Variants in STARD8 observed in about 807,000 individuals in gnomAD.
STARD8 encodes stAR-related lipid transfer protein 8.
A neutral mutation model predicts 69.4 loss-of-function variants in STARD8; 25 were observed. The ratio of observed to expected loss-of-function variants is 0.36; its 90% confidence interval spans 0.26 to 0.50. STARD8 has a LOEUF of 0.50. STARD8 is among the 20% of genes least tolerant of loss of function. The pLI is 0.96. For missense variants in STARD8, 921 were observed against 932.5 expected (o/e 0.99, Z 0.16); for synonymous variants, 389 against 374.6 (o/e 1.04, Z -0.45).
chrX:68,723,094 G>T (rs1391483488), intron 12 of STARD8, among the ~76,000 whole-genome samples: 1 of 112,538 alleles, frequency 8.9e-6, no homozygotes, highest in Non-Finnish European at 1.9e-5. Flanking sequence ...GGATGGAGGG[G>T]ATTTCTCTCT....
chrX:68,649,993 G>A (rs1313812556), intron 1 of STARD8, among the ~76,000 whole-genome samples: 1 of 111,022 alleles, frequency 9.0e-6, no homozygotes, highest in African/African-American at 3.3e-5. Flanking sequence ...GAGGTTTGAC[G>A]CCCGAGAGGC....
chrX:68,723,496 G>C, intron 12 of STARD8, 130 bp from the exon 13 acceptor site: 4 of 556,761 alleles, frequency 7.2e-6, no homozygotes, highest in Non-Finnish European at 1.1e-5. Flanking sequence ...TCTGGCCAGC[G>C]CTAGCAGAGG....
At chrX:68,669,291 T>C (rs2079713511) in intron 2 of STARD8, among the ~76,000 whole-genome samples, 1 of 112,246 alleles carries the variant, frequency 8.9e-6, no homozygotes, top group African/African-American at 3.2e-5. Context: ...CAGTTTTGGC[T>C]GTGACCTTTG....
intron 1 of STARD8, among the ~76,000 whole-genome samples, chrX:68,655,183 T>G (rs1341064570): frequency 1.8e-5 from 2 of 112,041 alleles, no homozygotes. Flanking sequence ...GCTCACCGCT[T>G]CCTCAGGACA....
chrX:68,654,127 C>T (rs1044273762), intron 1 of STARD8, among the ~76,000 whole-genome samples: 1 of 111,566 alleles, frequency 9.0e-6, no homozygotes, highest in Non-Finnish European at 1.9e-5. Context: ...ATTCCTCTTT[C>T]TCTGTTCCTC....
chrX:68,704,123 C>T (rs1006769100), intron 2 of STARD8, among the ~76,000 whole-genome samples: 1 of 111,471 alleles, frequency 9.0e-6, no homozygotes, highest in African/African-American at 3.3e-5. Context: ...ACCAAAAGTA[C>T]CCAGTGCAGA....
At chrX:68,687,488 A>G (rs2079841723) in intron 2 of STARD8, among the ~76,000 whole-genome samples, 1 of 111,704 alleles carries the variant, frequency 9.0e-6, no homozygotes, top group African/African-American at 3.3e-5. Context: ...ACCCAGCTCT[A>G]ATTCGCTCTT....
intron 1 of STARD8, among the ~76,000 whole-genome samples, chrX:68,652,923 CAT>C (rs1569350827): frequency 2.3e-4 from 12 of 51,368 alleles, no homozygotes; most frequent in African/African-American, 7.8e-4. Flanking sequence ...CACACACACA[CAT>C]CACACACACC....
At position 68,721,126 on chromosome X, in the gene STARD8, A is replaced by G. The variant is rs754962727; in HGVS notation, c.2248+4A>G. 1.2e-5 allele frequency: 14 copies of G among 1,208,852 alleles called. No homozygotes were observed. Among genetic ancestry groups the G allele is most frequent in the Admixed American group, 6.6e-5 (3 of 45,727 alleles). On this transcript the variant is annotated splice_donor_region_variant and intron_variant, in intron 9 of 14. Coordinates refer to ENST00000374599, the MANE Select transcript of STARD8 (RefSeq NM_001142503.3). ...ACTTTCCTCCAGATCTACCAGCGTG[A>G]GTCGCCCACTCCTATCCCCAACAAC...
intron 2 of STARD8, among the ~76,000 whole-genome samples, chrX:68,691,552 C>T: frequency 8.9e-6 from 1 of 112,250 alleles, no homozygotes. Context: ...CCTGATATCG[C>T]TTGGGCCATT....
At chrX:68,689,984 C>T (rs1279015816) in intron 2 of STARD8, among the ~76,000 whole-genome samples, 1 of 107,325 alleles carries the variant, frequency 9.3e-6, no homozygotes, top group Non-Finnish European at 1.9e-5. Context: ...GCCATGGCTC[C>T]TCAGGAAGTT....
rs188220520 is a variant in STARD8, at chrX:68,713,270, T to C, written c.151+285T>C. Among the ~76,000 whole-genome samples the C allele has an allele frequency of 4.9e-3, 554 of 112,719 alleles. 6 individuals carry two copies. The highest frequency in any genetic ancestry group is 0.017 in the African/African-American group (531 of 31,024). On this transcript the variant is annotated intron_variant, in intron 3 of 14. Transcript: ENST00000374599. ...CGTGGTACCAATCCTGAGGATGCCA[T>C]GTAGGTACACACGGTGTGAAGAATG...
intron 2 of STARD8, among the ~76,000 whole-genome samples, chrX:68,690,435 G>T (rs867562319): frequency 2.3e-4 from 25 of 107,005 alleles, no homozygotes; most frequent in South Asian, 1.6e-3. Flanking sequence ...GGCAGGCAGG[G>T]CGGGGGGACT....
intron 2 of STARD8, among the ~76,000 whole-genome samples, chrX:68,701,446 C>T (rs1231379431): frequency 8.9e-6 from 1 of 112,669 alleles, no homozygotes; most frequent in Non-Finnish European, 1.9e-5. Flanking sequence ...AGCTGAGGTT[C>T]GGGTCTCCTT....
intron 1 of STARD8, among the ~76,000 whole-genome samples, chrX:68,662,454 A>C (rs1012055450): frequency 5.4e-5 from 6 of 111,460 alleles, no homozygotes; most frequent in Admixed American, 2.9e-4. Context: ...ATAAAGTCTC[A>C]AGTTCTTAAG....
At chrX:68,711,382 A>C (rs779371421) in intron 2 of STARD8, among the ~76,000 whole-genome samples, 4 of 111,712 alleles carry the variant, frequency 3.6e-5, no homozygotes, top group African/African-American at 1.3e-4. Context: ...TGAGTCATGG[A>C]CATGAGCAGA....
intron 2 of STARD8, among the ~76,000 whole-genome samples, chrX:68,675,929 G>A (rs758378787): frequency 4.5e-5 from 5 of 112,006 alleles, no homozygotes; most frequent in African/African-American, 1.3e-4. Context: ...AACAGACTCT[G>A]CCTCCTTGGG....
At chrX:68,680,655 C>T (rs2079795632) in intron 2 of STARD8, among the ~76,000 whole-genome samples, 1 of 111,843 alleles carries the variant, frequency 8.9e-6, no homozygotes, top group Admixed American at 9.5e-5. Flanking sequence ...GTGCTGTGCC[C>T]TGCCAGGTGA....
rs903757754 is a variant in STARD8 at position 68,725,174 on chromosome X, C to T, written c.*752C>T. 1 of 111,206 alleles carries T rather than the reference C, an allele frequency of 9.0e-6. No individual in the cohort carries two copies. Among genetic ancestry groups the T allele is most frequent in the Non-Finnish European group, 1.9e-5 (1 of 53,076 alleles). The allele number at this position is 111,206 out of a possible 1,213,427, so 9.2% of individuals were successfully genotyped here. ...GGGTTTCACACTTTATCGACCACCC[C>T]ATGGGGTCCTGTGTAGCCTTTGGCC... On this transcript the variant is annotated 3_prime_UTR_variant, in exon 15 of 15. Coordinates refer to ENST00000374599, the MANE Select transcript of STARD8 (RefSeq NM_001142503.3).
Sources: allele counts gnomAD v4.1 joint callset (sites outside exome capture counted in the v4.1 genomes callset), GRCh38; gene constraint gnomAD v4.1.1; transcripts MANE v1.5; gene names NCBI Gene and HGNC (gene_info 2026-07-23, HGNC 2026-07-21).